Variants in TAFA4 observed in about 807,000 individuals in gnomAD.
The protein encoded by TAFA4 is chemokine-like protein TAFA-4.
A neutral mutation model predicts 21.1 loss-of-function variants in TAFA4; 20 were observed. That is an observed-to-expected ratio of 0.95 (90% CI 0.67 to 1.38). The LOEUF (loss-of-function observed/expected upper bound fraction) is 1.38. Among genes scored for constraint, TAFA4 ranks in the 40% most tolerant of loss-of-function variants. TAFA4 has a pLI of 0.00. For missense variants in TAFA4, 211 were observed against 180.9 expected, an observed-to-expected ratio of 1.17 and a Z score of -0.95; for synonymous variants, 71 against 67.4, an observed-to-expected ratio of 1.05 and a Z score of -0.26.
chr3:68,767,483 G>A (rs1159918064), intron 3 of TAFA4, among the ~76,000 whole-genome samples: 1 of 151,670 alleles, frequency 6.6e-6, no homozygotes, highest in African/African-American at 2.4e-5. Flanking sequence ...ATCCAAGAAA[G>A]GAAACACTAT....
At chr3:68,740,246 GTT>G (rs138912717) in intron 4 of TAFA4, among the ~76,000 whole-genome samples, 2,053 of 152,296 alleles carry the variant, frequency 0.013, 43 homozygotes, top group African/African-American at 0.047. Flanking sequence ...AATGTCAGCT[GTT>G]AATATGGTCA....
chr3:68,865,390 C>T (rs542064135), intron 3 of TAFA4, among the ~76,000 whole-genome samples: 24 of 152,072 alleles, frequency 1.6e-4, no homozygotes, highest in African/African-American at 5.8e-4. Context: ...TGGGGAGGAC[C>T]TGATGGAAGG....
rs191422165 is a variant in TAFA4 at position 68,798,274 on chromosome 3, A to G, written c.131-45256T>C. 2.6e-3 allele frequency among the ~76,000 whole-genome samples: 397 copies of G among 152,332 alleles called. 4 individuals carry two copies. Among genetic ancestry groups the G allele is most frequent in the African/African-American group, 9.3e-3 (385 of 41,572 alleles). ...AAGAGATAATGCAGAAATGAAAAAT[A>G]TTCACCCAATTTATCATGTTAATTG... is the stretch of plus-strand genomic sequence containing the variant. On this transcript the variant is annotated intron_variant, in intron 3 of 5. Transcript: ENST00000295569.
At chr3:68,874,716 G>A (rs959907866) in intron 3 of TAFA4, among the ~76,000 whole-genome samples, 3 of 152,038 alleles carry the variant, frequency 2.0e-5, no homozygotes. Flanking sequence ...CTGCCAAGTA[G>A]GATGGCTCAC....
chr3:68,752,167 T>C lies in TAFA4; in HGVS notation c.286+696A>G, dbSNP rs60681901. On this transcript the variant is annotated intron_variant, in intron 4 of 5. Coordinates refer to ENST00000295569, the MANE Select transcript of TAFA4 (RefSeq NM_182522.5). ...AGGAAATGTTCATTTTCAGGGAGGTTTCGTGACACTGCAGAGCAACTGCTA... is the reference window on the plus strand; with the variant it reads ...AGGAAATGTTCATTTTCAGGGAGGTCTCGTGACACTGCAGAGCAACTGCTA... Among the ~76,000 whole-genome samples the C allele has an allele frequency of 1.9e-4, 29 of 152,304 alleles. No individual in the cohort carries two copies. The East Asian group carries it at 5.4e-3, about 28-fold the overall frequency.
At chr3:68,811,567 G>T (rs996032524) in intron 3 of TAFA4, among the ~76,000 whole-genome samples, 1 of 152,066 alleles carries the variant, frequency 6.6e-6, no homozygotes, top group Non-Finnish European at 1.5e-5. Flanking sequence ...TGGAAGAAAG[G>T]GTATCAGTGA....
chr3:68,831,840 T>A (rs1704402821), intron 3 of TAFA4, among the ~76,000 whole-genome samples: 1 of 152,210 alleles, frequency 6.6e-6, no homozygotes, highest in Admixed American at 6.5e-5. Flanking sequence ...AGATTTGTTT[T>A]TCTCACATAG....
At chr3:68,743,795 G>A (rs1702402449) in intron 4 of TAFA4, among the ~76,000 whole-genome samples, 1 of 151,974 alleles carries the variant, frequency 6.6e-6, no homozygotes, top group Admixed American at 6.6e-5. Flanking sequence ...AGGGGTGGAG[G>A]GTGGTACTAG....
At position 68,885,285 on chromosome 3, in the gene TAFA4, CA is replaced by C; in HGVS notation, c.-98del. On this transcript the variant is annotated 5_prime_UTR_variant, in exon 2 of 6. Coordinates refer to ENST00000295569, the MANE Select transcript of TAFA4 (RefSeq NM_182522.5). ...CTAGAACCAATCATTTCTGCCGTTC[CA>C]AAAAATTATCGTAGCTCAGAAGACC... is the stretch of plus-strand genomic sequence containing the variant. 6 of 1,109,576 alleles carry C rather than the reference CA, an allele frequency of 5.4e-6. No homozygotes were observed. Among genetic ancestry groups the C allele is most frequent in the South Asian group, 1.7e-5 (1 of 58,948 alleles). 68.7% of individuals were successfully genotyped at this position (1,109,576 alleles called of 1,614,324 possible).
intron 3 of TAFA4, among the ~76,000 whole-genome samples, chr3:68,870,510 G>A (rs1425296462): frequency 6.6e-6 from 1 of 152,116 alleles, no homozygotes; most frequent in African/African-American, 2.4e-5. Context: ...CAGACACATA[G>A]AGCAGTGGAA....
rs377643292 is a variant in TAFA4, at chr3:68,832,312, C to T, written c.130+48418G>A. Among the ~76,000 whole-genome samples, 250 of 152,258 alleles carry T rather than the reference C, an allele frequency of 1.6e-3. 1 individual carries two copies. In the South Asian group the frequency reaches 0.018, roughly 11 times the overall value. On this transcript the variant is annotated intron_variant, in intron 3 of 5. Transcript: ENST00000295569. ...CTGCTCTGGTTTCTCCCCATCTTTG[C>T]GGTTTTATCTACCTTTGGTCTTTGA... is the stretch of plus-strand genomic sequence containing the variant.
intron 3 of TAFA4, among the ~76,000 whole-genome samples, chr3:68,855,061 A>G (rs913026877): frequency 1.3e-5 from 2 of 152,188 alleles, no homozygotes; most frequent in Non-Finnish European, 2.9e-5. Context: ...TGACAATGAT[A>G]AGTAACAAAT....
intron 3 of TAFA4, among the ~76,000 whole-genome samples, chr3:68,831,592 C>A (rs546187721): frequency 6.6e-6 from 1 of 152,224 alleles, no homozygotes; most frequent in East Asian, 1.9e-4. Flanking sequence ...GTAACCCGAC[C>A]TTTCTCTCTG....
rs1010766308 is a variant in TAFA4, at chr3:68,864,016, G to T, written c.130+16714C>A. ...ACTAAAAACTGTCTCAAAGAAAACA[G>T]AAAACAACCTGTGTGATCTCGGATT... On this transcript the variant is annotated intron_variant, in intron 3 of 5. Coordinates refer to ENST00000295569, the MANE Select transcript of TAFA4 (RefSeq NM_182522.5). Among the ~76,000 whole-genome samples, 3 of 151,964 alleles carry T rather than the reference G, an allele frequency of 2.0e-5. No homozygotes were observed. In the East Asian group the frequency reaches 5.8e-4, roughly 30 times the overall value.
At chr3:68,880,610 C>T in intron 3 of TAFA4, 120 bp downstream of exon 3, 1 of 732,226 alleles carries the variant, frequency 1.4e-6, no homozygotes, top group East Asian at 2.7e-5. Flanking sequence ...TTTCATGCTT[C>T]CTCTAGTTAT....
chr3:68,803,875 G>A (rs1334621957), intron 3 of TAFA4, among the ~76,000 whole-genome samples: 1 of 131,402 alleles, frequency 7.6e-6, no homozygotes, highest in Non-Finnish European at 1.5e-5. Context: ...TGTGATCTCG[G>A]CTCACGGCAA....
chr3:68,735,037 G>C (rs544706142), intron 5 of TAFA4, among the ~76,000 whole-genome samples: 1 of 151,972 alleles, frequency 6.6e-6, no homozygotes, highest in African/African-American at 2.4e-5. Context: ...GAATTTTGAC[G>C]GATACAAGGC....
intron 5 of TAFA4, among the ~76,000 whole-genome samples, chr3:68,737,553 T>TATTC (rs1702267541): frequency 6.6e-6 from 1 of 152,208 alleles, no homozygotes; most frequent in South Asian, 2.1e-4. Flanking sequence ...AACCGACAAC[T>TATTC]ATTCCATTGA....
chr3:68,905,357 A>C (rs979369622), intron 1 of TAFA4, among the ~76,000 whole-genome samples: 4 of 151,868 alleles, frequency 2.6e-5, no homozygotes, highest in Non-Finnish European at 5.9e-5. Flanking sequence ...TTTAGTAGAG[A>C]TGGGGTTTCA....
Sources: allele counts gnomAD v4.1 joint callset (sites outside exome capture counted in the v4.1 genomes callset), GRCh38; gene constraint gnomAD v4.1.1; transcripts MANE v1.5; gene names NCBI Gene and HGNC (gene_info 2026-07-23, HGNC 2026-07-21).